The following STAU2 variants were observed in gnomAD, a reference collection of about 807,000 sequenced individuals.
The protein encoded by STAU2 is double-stranded RNA-binding protein Staufen homolog 2.
STAU2 carries 20 observed loss-of-function variants against 65.9 expected under a neutral mutation model. The observed-to-expected ratio is 0.30, with a 90% CI of 0.21 to 0.44. STAU2 has a LOEUF of 0.44. Ranked by LOEUF, STAU2 falls within the 20% of genes least tolerant of loss-of-function variation. STAU2 has a pLI of 1.00. For missense variants in STAU2, 558 were observed against 683.9 expected, an observed-to-expected ratio of 0.82 and a Z score of 2.05; for synonymous variants, 232 against 233.9, an observed-to-expected ratio of 0.99 and a Z score of 0.07.
chr8:73,715,650 A>G (rs1373043506), intron 3 of STAU2, among the ~76,000 whole-genome samples: 1 of 152,184 alleles, frequency 6.6e-6, no homozygotes, highest in Non-Finnish European at 1.5e-5. Flanking sequence ...TAAAGTTTCA[A>G]TTGTACCTAT....
At chr8:73,466,556 G>A (rs993221280) in intron 13 of STAU2, among the ~76,000 whole-genome samples, 7 of 152,144 alleles carry the variant, frequency 4.6e-5, no homozygotes, top group Non-Finnish European at 1.0e-4. Flanking sequence ...AGGGGGAAAG[G>A]AGAAGCCACT....
At chr8:73,603,586 T>C (rs1184581531) in intron 10 of STAU2, 140 bp downstream of exon 10, 1 of 1,092,760 alleles carries the variant, frequency 9.2e-7, no homozygotes. Context: ...AGTTGGTAGG[T>C]GAGCCTGGAC....
chr8:73,690,748 T>C (rs1819275658), intron 4 of STAU2, among the ~76,000 whole-genome samples: 1 of 152,230 alleles, frequency 6.6e-6, no homozygotes, highest in South Asian at 2.1e-4. Context: ...CCATTTTTTC[T>C]GTAGATTTTT....
intron 9 of STAU2, among the ~76,000 whole-genome samples, chr8:73,609,842 G>A (rs1812316475): frequency 6.6e-6 from 1 of 152,206 alleles, no homozygotes; most frequent in African/African-American, 2.4e-5. Flanking sequence ...TGTGTTTCCA[G>A]TGGCATACTG....
intron 12 of STAU2, among the ~76,000 whole-genome samples, chr8:73,571,835 G>T (rs544135380): frequency 1.8e-4 from 27 of 152,208 alleles, no homozygotes; most frequent in Non-Finnish European, 3.1e-4. Context: ...ACAATTAAAA[G>T]AACTAGAGAA....
chr8:73,683,816 C>T (rs749089750), intron 5 of STAU2, among the ~76,000 whole-genome samples: 1 of 152,052 alleles, frequency 6.6e-6, no homozygotes, highest in Non-Finnish European at 1.5e-5. Flanking sequence ...ACACCAACAG[C>T]GACCAAGCTG....
chr8:73,440,032 G>C (rs1818017947), intron 13 of STAU2: 1 of 152,268 alleles, frequency 6.6e-6, no homozygotes, highest in Admixed American at 6.5e-5. Flanking sequence ...ACCTGAGAGG[G>C]TGTTAATCAG....
chr8:73,546,121 T>TTA (rs1397908132), intron 13 of STAU2, among the ~76,000 whole-genome samples: 19 of 112,430 alleles, frequency 1.7e-4, no homozygotes, highest in African/African-American at 6.2e-4. Flanking sequence ...TTGTTTGGTT[T>TTA]TCTTTTTTTT....
chr8:73,666,785 GAGCTGATAGGTCACTCAA>G (rs1817272810), intron 6 of STAU2, among the ~76,000 whole-genome samples: 1 of 152,102 alleles, frequency 6.6e-6, no homozygotes, highest in Non-Finnish European at 1.5e-5. Flanking sequence ...AATGAACAAA[GAGCTGATAGGTCACTCAA>G]ACTTGGGTTG....
chr8:73,680,866 T>C (rs1193968270), intron 5 of STAU2, among the ~76,000 whole-genome samples: 1 of 151,660 alleles, frequency 6.6e-6, no homozygotes, highest in Admixed American at 6.6e-5. Context: ...AAGAAAGAAC[T>C]TCAGAGCTCA....
intron 12 of STAU2, among the ~76,000 whole-genome samples, chr8:73,565,381 C>A (rs755033623): frequency 1.3e-5 from 2 of 152,162 alleles, no homozygotes; most frequent in Admixed American, 1.3e-4. Flanking sequence ...CTTCCTGAGG[C>A]CTTCCCAGAA....
At chr8:73,631,560 A>T (rs1814092170) in intron 6 of STAU2, among the ~76,000 whole-genome samples, 1 of 152,170 alleles carries the variant, frequency 6.6e-6, no homozygotes, top group Non-Finnish European at 1.5e-5. Context: ...AAAAATTGTA[A>T]AGGCCATTTA....
rs140315512 is a variant in STAU2 at position 73,458,618 on chromosome 8, C to G, written c.1531-35916G>C. 575 of 152,300 alleles carry G rather than the reference C, an allele frequency of 3.8e-3. 3 individuals carry two copies. Among genetic ancestry groups the G allele is most frequent in the African/African-American group, 0.013 (551 of 41,582 alleles). The allele number at this position is 152,300 out of a possible 1,614,324, so 9.4% of individuals were successfully genotyped here. On this transcript the variant is annotated intron_variant, in intron 13 of 14. Coordinates refer to ENST00000524300, the MANE Select transcript of STAU2 (RefSeq NM_001164380.2). ...AAAAATTCACTAACTTGAATATTTT[C>G]TCTAACTGCAAAAAATGTTGGTTTA...
At chr8:73,655,082 A>G (rs1198386684) in intron 6 of STAU2, among the ~76,000 whole-genome samples, 1 of 152,188 alleles carries the variant, frequency 6.6e-6, no homozygotes, top group African/African-American at 2.4e-5. Context: ...TCTCTAACTT[A>G]GCTTCTTTTT....
At chr8:73,544,735 ATACT>A (rs1433763613) in intron 13 of STAU2, among the ~76,000 whole-genome samples, 40 of 152,338 alleles carry the variant, frequency 2.6e-4, no homozygotes, top group Admixed American at 2.5e-3. Context: ...TTATCAGGTT[ATACT>A]TACTATGTCA....
chr8:73,421,474 T>C lies in STAU2; in HGVS notation c.1620-9A>G. ...TCAGATGCTTGGCTTGTCTGAAAGA[T>C]TAATACATTAACAAGAGCTGAAGGC... On this transcript the variant is annotated splice_polypyrimidine_tract_variant and intron_variant, in intron 14 of 14. Coordinates refer to ENST00000524300, the MANE Select transcript of STAU2 (RefSeq NM_001164380.2). 6.5e-7 allele frequency: 1 copy of C among 1,537,250 alleles called. No homozygotes were observed. The highest frequency in any genetic ancestry group is 8.7e-7 in the Non-Finnish European group (1 of 1,146,890).
intron 8 of STAU2, among the ~76,000 whole-genome samples, chr8:73,614,866 TTCC>T (rs1425353616): frequency 6.6e-6 from 1 of 152,174 alleles, no homozygotes; most frequent in East Asian, 1.9e-4. Context: ...TCTCCCTGAC[TTCC>T]TCATTTTGCT....
intron 3 of STAU2, among the ~76,000 whole-genome samples, chr8:73,715,463 A>AAAAAG (rs1554570420): frequency 6.1e-5 from 9 of 148,284 alleles, no homozygotes; most frequent in Admixed American, 6.9e-5. Flanking sequence ...AAAAAAAAAA[A>AAAAAG]AAAGAAAGAA....
chr8:73,477,590 C>T (rs977259068), intron 13 of STAU2, among the ~76,000 whole-genome samples: 2 of 152,182 alleles, frequency 1.3e-5, no homozygotes, highest in Admixed American at 1.3e-4. Context: ...GCAGAAAGGA[C>T]TGGCGGCAGG....
Sources: allele counts gnomAD v4.1 joint callset (sites outside exome capture counted in the v4.1 genomes callset), GRCh38; gene constraint gnomAD v4.1.1; transcripts MANE v1.5; gene names NCBI Gene and HGNC (gene_info 2026-07-23, HGNC 2026-07-21).